The following CLUL1 variants were observed in gnomAD, a reference collection of about 807,000 sequenced individuals.
CLUL1 encodes the protein clusterin like 1.
CLUL1 carries 43 observed loss-of-function variants against 49.4 expected under a neutral mutation model. The observed-to-expected ratio is 0.87, with a 90% CI of 0.68 to 1.12. The LOEUF (loss-of-function observed/expected upper bound fraction) is 1.12. Among genes scored for constraint, CLUL1 ranks in the 50% most tolerant of loss-of-function variants. The pLI is 0.00. For synonymous variants in CLUL1, 192 were observed against 184.9 expected (o/e 1.04, Z -0.31); for missense variants, 486 against 544.4 (o/e 0.89, Z 1.07).
intron 2 of CLUL1, among the ~76,000 whole-genome samples, chr18:616,029 CT>C (rs2073278434): frequency 6.6e-6 from 1 of 152,296 alleles, no homozygotes; most frequent in African/African-American, 2.4e-5. Context: ...TGGCTAGTCT[CT>C]CAAAACTTGC....
chr18:622,494 T>A (rs490118), intron 4 of CLUL1, among the ~76,000 whole-genome samples: 151,065 of 152,274 alleles, frequency 0.99, 74,950 homozygotes, highest in East Asian at 1. Context: ...TAAACTGTCA[T>A]CTATAGGAAT....
chr18:605,113 C>G (rs1007871385), intron 1 of CLUL1, among the ~76,000 whole-genome samples: 3 of 152,168 alleles, frequency 2.0e-5, no homozygotes, highest in Non-Finnish European at 2.9e-5. Context: ...TCAGTACAAT[C>G]ATTTTAAATA....
chr18:640,370 A>C (rs1365190209), intron 7 of CLUL1, among the ~76,000 whole-genome samples: 1 of 152,100 alleles, frequency 6.6e-6, no homozygotes, highest in Non-Finnish European at 1.5e-5. Flanking sequence ...TGATCATGCC[A>C]TTGCACTCCA....
intron 9 of CLUL1, among the ~76,000 whole-genome samples, chr18:645,772 C>T (rs1268140256): frequency 3.2e-5 from 3 of 93,980 alleles, no homozygotes; most frequent in Middle Eastern, 8.5e-3. Flanking sequence ...CCAGCCTGGG[C>T]GACAGAGCGA....
intron 5 of CLUL1, among the ~76,000 whole-genome samples, chr18:625,826 A>T (rs1023257612): frequency 1.2e-4 from 18 of 151,788 alleles, no homozygotes; most frequent in African/African-American, 4.4e-4. Flanking sequence ...TGCCGTACTC[A>T]ATTACAAAGG....
At chr18:642,020 A>G (rs964660793) in intron 8 of CLUL1, among the ~76,000 whole-genome samples, 6 of 152,230 alleles carry the variant, frequency 3.9e-5, no homozygotes, top group African/African-American at 1.4e-4. Context: ...AGTGATTAGT[A>G]TAGATTTCTT....
intron 2 of CLUL1, among the ~76,000 whole-genome samples, chr18:615,276 G>A (rs537935244): frequency 6.6e-6 from 1 of 152,220 alleles, no homozygotes; most frequent in South Asian, 2.1e-4. Flanking sequence ...TGGAAGCTTC[G>A]AGATATTTTC....
In CLUL1 at chr18:645,809, AAATATATATATATATATATATATAT is replaced by A. The variant is rs1467003982; in HGVS notation, c.1397+714_1397+738del. On this transcript the variant is annotated intron_variant, in intron 9 of 9. Coordinates refer to ENST00000692774, the MANE Select transcript of CLUL1 (RefSeq NM_001393344.1). ...ACTCTGTTTAAAAAAAAAAAAAAAA[AAATATATATATATATATATATATAT>A]ATATATATATATATATATGTTAAAC... Among the ~76,000 whole-genome samples, 12 of 70,462 alleles carry A rather than the reference AAATATATATATATATATATATATAT, an allele frequency of 1.7e-4. 1 individual carries two copies. The highest frequency in any genetic ancestry group is 2.9e-4 in the Non-Finnish European group (11 of 37,828). 46.2% of individuals were successfully genotyped at this position (70,462 alleles called of 152,430 possible).
chr18:611,552 G>A (rs1334586347), intron 2 of CLUL1, among the ~76,000 whole-genome samples: 2 of 151,960 alleles, frequency 1.3e-5, no homozygotes, highest in Non-Finnish European at 2.9e-5. Context: ...TCTAGCCTGG[G>A]CAACATATCA....
intron 5 of CLUL1, among the ~76,000 whole-genome samples, chr18:625,567 A>C (rs970224070): frequency 1.4e-5 from 2 of 140,230 alleles, no homozygotes; most frequent in Non-Finnish European, 3.1e-5. Flanking sequence ...ACACCCCTTC[A>C]TGTCCCCTTT....
intron 7 of CLUL1, among the ~76,000 whole-genome samples, chr18:634,959 C>T (rs887829688): frequency 6.6e-6 from 1 of 152,154 alleles, no homozygotes; most frequent in African/African-American, 2.4e-5. Flanking sequence ...CACTAAAGCC[C>T]TAAGGGAAGG....
intron 1 of CLUL1, among the ~76,000 whole-genome samples, chr18:597,475 C>G (rs2072684306): frequency 6.6e-6 from 1 of 152,090 alleles, no homozygotes; most frequent in Admixed American, 6.5e-5. Flanking sequence ...CCTGTAATCT[C>G]AACACTTTGG....
chr18:604,843 G>A, intron 1 of CLUL1, among the ~76,000 whole-genome samples: 1 of 152,318 alleles, frequency 6.6e-6, no homozygotes. Context: ...TTGAATACAA[G>A]GGCTTCTATA....
In CLUL1 at chr18:627,388, A is replaced by G. The variant is rs199868270; in HGVS notation, c.715A>G (p.Lys239Glu). ...AGCTTTCTCTAAAGAGCCGATGACA[A>G]AAGCAGATCTTGAGCAATGTTGGGA... ...FPAFSKEPMT[K>E]ADLEQCWDIP... is the part of the protein sequence containing the mutation. Residue 239 changes from lysine (K) to glutamate (E), a missense_variant, in exon 6 of 10, where the codon AAA becomes GAA. Transcript: ENST00000692774. 1.2e-6 allele frequency: 2 copies of G among 1,614,182 alleles called. No individual in the cohort carries two copies. The highest frequency in any genetic ancestry group is 4.5e-5 in the East Asian group (2 of 44,864).
intron 1 of CLUL1, among the ~76,000 whole-genome samples, chr18:605,318 TC>T (rs1346711498): frequency 6.6e-6 from 1 of 152,182 alleles, no homozygotes; most frequent in Non-Finnish European, 1.5e-5. Context: ...TTCTGTACAG[TC>T]ACGGAAAGTG....
chr18:630,671 T>A (rs1334433720), intron 6 of CLUL1, among the ~76,000 whole-genome samples: 14 of 109,076 alleles, frequency 1.3e-4, no homozygotes, highest in African/African-American at 4.9e-4. Flanking sequence ...CCTACTGACA[T>A]CTTTTTTTTT....
At position 641,475 on chromosome 18, in the gene CLUL1, A is replaced by G. The variant is rs1237358047; in HGVS notation, c.1143A>G (p.Gln381=). The G allele has an allele frequency of 1.2e-6, 2 of 1,614,220 alleles. No individual in the cohort carries two copies. Among genetic ancestry groups the G allele is most frequent in the East Asian group, 2.2e-5 (1 of 44,878 alleles). ...ATCTGGTGGAGAAGATGAGAGGGCA[A>G]TTTGGCTGGGTGTCTGAACTGGCAA... The part of the protein sequence containing the change: ...TAYLVEKMRG[Q]FGWVSELANQ... The change falls in exon 8 of 10, where the codon CAA becomes CAG. Residue 381 remains glutamine, a synonymous_variant. Transcript: ENST00000692774.
rs1186629994 is a variant in CLUL1 at position 606,950 on chromosome 18, C to G, written c.-135-28C>G. ...AATTTTAGGCGGCTCCCTAAAATTT[C>G]TTTTCTTTTTTCTTTTCTTTTCTTT... is the stretch of plus-strand genomic sequence containing the variant. On this transcript the variant is annotated intron_variant, in intron 1 of 9. Transcript: ENST00000692774. The surrounding 1 kb of genome is among the most constrained non-coding windows in gnomAD (Gnocchi z 4.1). 2 of 601,928 alleles carry G rather than the reference C, an allele frequency of 3.3e-6. No homozygotes were observed. Among genetic ancestry groups the G allele is most frequent in the Non-Finnish European group, 5.9e-6 (2 of 338,940 alleles). The allele number at this position is 601,928 out of a possible 1,614,324, so 37.3% of individuals were successfully genotyped here.
In CLUL1 at chr18:630,672, C is replaced by CTTTTTT. The variant is rs36222515; in HGVS notation, c.857-2598_857-2593dup. ...CGCAAAAAACTAGCCCTACTGACAT[C>CTTTTTT]TTTTTTTTTTTTTTTTTTTTTTTTT... On this transcript the variant is annotated intron_variant, in intron 6 of 9. Coordinates refer to ENST00000692774, the MANE Select transcript of CLUL1 (RefSeq NM_001393344.1). Among the ~76,000 whole-genome samples the CTTTTTT allele has an allele frequency of 1.7e-3, 103 of 62,042 alleles. 9 individuals are homozygous for CTTTTTT. Among genetic ancestry groups the CTTTTTT allele is most frequent in the African/African-American group, 6.5e-3 (90 of 13,906 alleles). The allele number at this position is 62,042 out of a possible 152,430, so 40.7% of individuals were successfully genotyped here.
Sources: allele counts gnomAD v4.1 joint callset (sites outside exome capture counted in the v4.1 genomes callset), GRCh38; gene constraint gnomAD v4.1.1; non-coding constraint Gnocchi (gnomAD v3.1); transcripts MANE v1.5; gene names NCBI Gene and HGNC (gene_info 2026-07-23, HGNC 2026-07-21).